The following KCNIP1 variants were observed in gnomAD, a reference collection of about 807,000 sequenced individuals.
KCNIP1 encodes A-type potassium channel modulatory protein KCNIP1.
A neutral mutation model predicts 33.0 loss-of-function variants in KCNIP1; 18 were observed. The observed-to-expected ratio is 0.55, with a 90% CI of 0.38 to 0.81. The LOEUF is 0.81. KCNIP1 is among the 30% of genes least tolerant of loss of function. The pLI, the probability that KCNIP1 is intolerant of heterozygous loss-of-function variation, is 0.00. For synonymous variants in KCNIP1, 93 were observed against 98.3 expected, an observed-to-expected ratio of 0.95 and a Z score of 0.32; for missense variants, 238 against 271.6, an observed-to-expected ratio of 0.88 and a Z score of 0.87.
intron 1 of KCNIP1, among the ~76,000 whole-genome samples, chr5:170,609,458 G>A (rs1203345637): frequency 1.3e-5 from 2 of 152,104 alleles, no homozygotes; most frequent in African/African-American, 4.8e-5. Flanking sequence ...CCTAACATGA[G>A]GATCCAAGAG....
At chr5:170,594,800 T>C (rs546293958) in intron 1 of KCNIP1, among the ~76,000 whole-genome samples, 3 of 152,300 alleles carry the variant, frequency 2.0e-5, no homozygotes, top group African/African-American at 7.2e-5. Context: ...CATGAGCCAC[T>C]GCACCCAGCC....
At chr5:170,615,769 C>T (rs1759344372) in intron 1 of KCNIP1, among the ~76,000 whole-genome samples, 1 of 152,122 alleles carries the variant, frequency 6.6e-6, no homozygotes, top group Non-Finnish European at 1.5e-5. Flanking sequence ...CTTTATGTGT[C>T]AAATGGCGTT....
intron 1 of KCNIP1, chr5:170,376,037 TC>T (rs1180963448): frequency 3.3e-5 from 5 of 152,022 alleles, no homozygotes; most frequent in Admixed American, 1.3e-4. Flanking sequence ...CATTTTTTTT[TC>T]CAAGGCAAAC....
intron 1 of KCNIP1, among the ~76,000 whole-genome samples, chr5:170,449,111 A>G (rs1756186482): frequency 6.6e-6 from 1 of 152,222 alleles, no homozygotes; most frequent in Non-Finnish European, 1.5e-5. Context: ...TCATCTGCAC[A>G]ATATCCTATT....
At chr5:170,602,300 G>T (rs1278825238) in intron 1 of KCNIP1, among the ~76,000 whole-genome samples, 1 of 152,132 alleles carries the variant, frequency 6.6e-6, no homozygotes, top group Admixed American at 6.5e-5. Context: ...CATCTTAGCC[G>T]CAAGGGACTT....
chr5:170,443,454 T>G (rs1024733714), intron 1 of KCNIP1, among the ~76,000 whole-genome samples: 40 of 152,278 alleles, frequency 2.6e-4, no homozygotes, highest in African/African-American at 9.6e-4. Flanking sequence ...TTTTCACTAT[T>G]AGAGAGATGG....
rs70979196 is a variant in KCNIP1, at chr5:170,682,784, C to CTTTTTTTTTTTTTTT, written c.62-35963_62-35949dup. 6.3e-3 allele frequency among the ~76,000 whole-genome samples: 451 copies of CTTTTTTTTTTTTTTT among 71,376 alleles called. 45 individuals are homozygous for CTTTTTTTTTTTTTTT. The highest frequency in any genetic ancestry group is 0.012 in the East Asian group (20 of 1,614). 46.8% of individuals were successfully genotyped at this position (71,376 alleles called of 152,430 possible). On this transcript the variant is annotated intron_variant, in intron 1 of 7. Transcript: ENST00000328939. ...CAACAGCGTCCTATTTTCTTTGTTTCTTTTTTTTTTTTTTTTTTTTTTTTT... is the reference window on the plus strand; with the variant it reads ...CAACAGCGTCCTATTTTCTTTGTTTCTTTTTTTTTTTTTTTTTTTTTTTTTTTTTTTTTTTTTTTT...
intron 1 of KCNIP1, among the ~76,000 whole-genome samples, chr5:170,475,732 T>C (rs919387917): frequency 6.6e-6 from 1 of 152,066 alleles, no homozygotes; most frequent in African/African-American, 2.4e-5. Flanking sequence ...AACAGACTGA[T>C]TATCTAGCCC....
At chr5:170,699,570 A>G (rs947978448) in intron 1 of KCNIP1, among the ~76,000 whole-genome samples, 28 of 152,142 alleles carry the variant, frequency 1.8e-4, no homozygotes, top group African/African-American at 6.5e-4. Context: ...AAAAAAAAAA[A>G]AAAAAAAAGT....
intron 1 of KCNIP1, chr5:170,681,271 G>A (rs1762334478): frequency 7.6e-6 from 3 of 396,430 alleles, no homozygotes; most frequent in Non-Finnish European, 1.3e-5. Flanking sequence ...CGGAAATGAG[G>A]GCGGAGACCC....
intron 1 of KCNIP1, among the ~76,000 whole-genome samples, chr5:170,472,005 G>A (rs1756739590): frequency 6.6e-6 from 1 of 152,184 alleles, no homozygotes. Flanking sequence ...CTGGCCTCCT[G>A]CAGGAGCTGG....
chr5:170,583,402 T>G (rs966283329), intron 1 of KCNIP1, among the ~76,000 whole-genome samples: 66 of 152,046 alleles, frequency 4.3e-4, no homozygotes, highest in African/African-American at 1.5e-3. Context: ...AGTAAGATGT[T>G]GTGATCGAGA....
chr5:170,452,278 C>G lies in KCNIP1; in HGVS notation c.88+98314C>G, dbSNP rs181665606. On this transcript the variant is annotated intron_variant, in intron 1 of 7. Coordinates refer to the KCNIP1 transcript ENST00000377360. ...TTAGTTGAGGAGGATGATTAATCTC[C>G]TTCTTCGAAAACTCAGAGAATCTTT... 3.0e-3 allele frequency among the ~76,000 whole-genome samples: 452 copies of G among 152,336 alleles called. 6 individuals are homozygous for G. The highest frequency in any genetic ancestry group is 0.01 in the African/African-American group (432 of 41,576).
chr5:170,515,663 G>A (rs916803452), intron 1 of KCNIP1, among the ~76,000 whole-genome samples: 3 of 152,212 alleles, frequency 2.0e-5, no homozygotes, highest in African/African-American at 7.2e-5. Context: ...GAGGGCATAA[G>A]CAAATGTCCA....
chr5:170,459,037 A>T (rs1480279677), intron 1 of KCNIP1, among the ~76,000 whole-genome samples: 1 of 152,030 alleles, frequency 6.6e-6, no homozygotes, highest in Non-Finnish European at 1.5e-5. Context: ...CAAATGGAGT[A>T]ACTATTCTTA....
At chr5:170,683,894 ATGTGTGTGTGTGTGTGTG>A (rs1168722972) in intron 1 of KCNIP1, among the ~76,000 whole-genome samples, 1 of 91,636 alleles carries the variant, frequency 1.1e-5, no homozygotes, top group Non-Finnish European at 2.2e-5. Flanking sequence ...CAGCTAGTGT[ATGTGTGTGTGTGTGTGTG>A]TGTGTGTGTG....
At chr5:170,686,178 C>A (rs1005301233) in intron 1 of KCNIP1, among the ~76,000 whole-genome samples, 1 of 152,060 alleles carries the variant, frequency 6.6e-6, no homozygotes, top group African/African-American at 2.4e-5. Context: ...AAAATGAACA[C>A]AAAGTCTATT....
intron 1 of KCNIP1, among the ~76,000 whole-genome samples, chr5:170,512,077 G>A (rs1754953379): frequency 1.3e-5 from 2 of 152,214 alleles, no homozygotes; most frequent in Admixed American, 1.3e-4. Context: ...GCCTGAATAT[G>A]AAATGATTGG....
At chr5:170,615,680 T>C (rs1419594175) in intron 1 of KCNIP1, among the ~76,000 whole-genome samples, 8 of 152,202 alleles carry the variant, frequency 5.3e-5, no homozygotes, top group African/African-American at 1.7e-4. Flanking sequence ...TTACAGGCTC[T>C]AAGCCCAGCT....
Sources: allele counts gnomAD v4.1 joint callset (sites outside exome capture counted in the v4.1 genomes callset), GRCh38; gene constraint gnomAD v4.1.1; transcripts MANE v1.5; gene names NCBI Gene and HGNC (gene_info 2026-07-23, HGNC 2026-07-21).